The following DRG2 variants were observed in gnomAD, a reference collection of about 807,000 sequenced individuals.
DRG2 encodes the protein developmentally regulated GTP binding protein 2, also known as developmentally-regulated GTP-binding protein 2.
In DRG2, 36 loss-of-function variants were observed where a neutral mutation model predicts 53.4. That is an observed-to-expected ratio of 0.67 (90% confidence interval 0.52 to 0.89). The LOEUF is 0.89. Ranked by LOEUF, DRG2 falls within the 40% of genes least tolerant of loss-of-function variation. DRG2 has a pLI of 0.00. For synonymous variants in DRG2, 167 were observed against 192.1 expected (o/e 0.87, Z 1.08); for missense variants, 342 against 481.2 (o/e 0.71, Z 2.71).
In DRG2 at chr17:18,093,840, A is replaced by G; in HGVS notation, c.92A>G (p.Lys31Arg). The G allele has an allele frequency of 6.2e-7, 1 of 1,614,106 alleles. No individual in the cohort carries two copies. Among genetic ancestry groups the G allele is most frequent in the Non-Finnish European group, 8.5e-7 (1 of 1,180,010 alleles). The change falls in exon 2 of 13, where the codon AAA (lysine) becomes AGA (arginine). Residue 31 changes from lysine to arginine, a missense_variant. Transcript: ENST00000225729. ...KATEYHLGLL[K>R]AKLAKYRAQL... ...ACTGAGTATCATCTGGGCCTGCTGAAAGCTAAGCTCGCCAAGTATCGGGCC... is the reference window on the plus strand; with the variant it reads ...ACTGAGTATCATCTGGGCCTGCTGAGAGCTAAGCTCGCCAAGTATCGGGCC...
In DRG2 at chr17:18,099,507, C is replaced by T. The variant is rs2045490419; in HGVS notation, c.377-126C>T. Reference sequence around the variant, plus strand: ...AAACATGTGGATTAAAGAAAAATGCCAAGCTTGTGCTAGTATGTGGCAGAG... The same window carrying T: ...AAACATGTGGATTAAAGAAAAATGCTAAGCTTGTGCTAGTATGTGGCAGAG... On this transcript the variant is annotated intron_variant, in intron 4 of 12. Coordinates refer to ENST00000225729, the MANE Select transcript of DRG2 (RefSeq NM_001388.5). The surrounding 1 kb of genome is among the most constrained non-coding windows in gnomAD (Gnocchi z 4.4). The T allele has an allele frequency of 2.1e-6, 2 of 973,312 alleles. No individual in the cohort carries two copies. The highest frequency in any genetic ancestry group is 1.6e-6 in the Non-Finnish European group (1 of 627,362). 60.3% of individuals were successfully genotyped at this position (973,312 alleles called of 1,614,324 possible).
intron 2 of DRG2, chr17:18,094,234 G>T: frequency 2.5e-6 from 1 of 405,964 alleles, no homozygotes; most frequent in South Asian, 3.0e-5. Context: ...CTCTAGCGGT[G>T]TCATGTGCTG....
Position 18,100,293 on chromosome 17 carries a change from G to A in DRG2, c.468-70G>A. The A allele has an allele frequency of 6.6e-7, 1 of 1,521,058 alleles. No individual in the cohort carries two copies. Among genetic ancestry groups the A allele is most frequent in the Non-Finnish European group, 9.1e-7 (1 of 1,096,950 alleles). The allele number at this position is 1,521,058 out of a possible 1,614,324, so 94.2% of individuals were successfully genotyped here. A position where few individuals can be genotyped will look rare whatever the true frequency, so the allele number is the denominator to read the frequency against. ...GTCTCTGGGTGGGCAGTGACATCCT[G>A]CGTAACAGGGAAGCTGTGCATCTGG... On this transcript the variant is annotated intron_variant, in intron 5 of 12. Transcript: ENST00000225729. This position sits in a 1 kb window ranked among gnomAD's most constrained non-coding sequence, Gnocchi z 4.1.
chr17:18,106,554 A>G, intron 12 of DRG2, 68 bp downstream of exon 12: 1 of 1,561,858 alleles, frequency 6.4e-7, no homozygotes, highest in South Asian at 1.1e-5. Context: ...GGCATGAAGC[A>G]AGGCATTCAC....
chr17:18,105,247 A>G (rs1006797827), intron 11 of DRG2, among the ~76,000 whole-genome samples: 2 of 152,024 alleles, frequency 1.3e-5, no homozygotes, highest in African/African-American at 4.8e-5. Flanking sequence ...CCTGAACATG[A>G]CCCTGCAGGC....
At position 18,107,036 on chromosome 17, in the gene DRG2, G is replaced by A; in HGVS notation, c.1009-118G>A. The stretch of plus-strand genomic sequence containing the variant: ...GACAACTGCGGACATCCTGCTGCCT[G>A]AGGCCCCCACCTTATGCCATGGCAT... On this transcript the variant is annotated intron_variant, in intron 12 of 12. Transcript: ENST00000225729. The A allele has an allele frequency of 8.0e-6, 7 of 880,148 alleles. No homozygotes were observed. In the South Asian group the frequency reaches 1.1e-4, roughly 13 times the overall value. The allele number at this position is 880,148 out of a possible 1,614,324, so 54.5% of individuals were successfully genotyped here.
intron 7 of DRG2, among the ~76,000 whole-genome samples, chr17:18,101,084 T>TA (rs2045525354): frequency 6.6e-6 from 1 of 152,052 alleles, no homozygotes; most frequent in African/African-American, 2.4e-5. Flanking sequence ...AGAGAACTCT[T>TA]AGAGTCAGCT....
In DRG2 at chr17:18,100,317, G is replaced by T; in HGVS notation, c.468-46G>T. Reference sequence around the variant, plus strand: ...TGCGTAACAGGGAAGCTGTGCATCTGGCTCTGTGGACAGCCTGTGAGGGGC... The same window carrying T: ...TGCGTAACAGGGAAGCTGTGCATCTTGCTCTGTGGACAGCCTGTGAGGGGC... On this transcript the variant is annotated intron_variant, in intron 5 of 12. Transcript: ENST00000225729. This position sits in a 1 kb window ranked among gnomAD's most constrained non-coding sequence, Gnocchi z 4.1. The T allele has an allele frequency of 6.3e-7, 1 of 1,594,704 alleles. No individual in the cohort carries two copies. Among genetic ancestry groups the T allele is most frequent in the South Asian group, 1.1e-5 (1 of 90,606 alleles).
intron 8 of DRG2, 141 bp from the exon 9 acceptor site, chr17:18,101,780 C>A: frequency 8.5e-7 from 1 of 1,172,354 alleles, no homozygotes; most frequent in Non-Finnish European, 1.2e-6. Context: ...CCAGCCTTCC[C>A]AACCCTGAGG....
intron 12 of DRG2, among the ~76,000 whole-genome samples, chr17:18,106,884 C>G (rs983856785): frequency 6.6e-6 from 1 of 152,018 alleles, no homozygotes; most frequent in Non-Finnish European, 1.5e-5. Flanking sequence ...GTTTCGCTAT[C>G]TGGCCCAGGC....
In DRG2 at chr17:18,093,872, C is replaced by T; in HGVS notation, c.124C>T (p.Leu42=). 6.2e-7 allele frequency: 1 copy of T among 1,614,226 alleles called. No individual in the cohort carries two copies. The highest frequency in any genetic ancestry group is 8.5e-7 in the Non-Finnish European group (1 of 1,180,048). ...GCTCGCCAAGTATCGGGCCCAGCTC[C>T]TGGAACCGTCCAAATCGGCCTCGTC... is the stretch of plus-strand genomic sequence containing the variant. ...AKLAKYRAQL[L]EPSKSASSKG... is the part of the protein sequence containing the mutation. The change falls in exon 2 of 13, where the codon CTG becomes TTG. Residue 42 remains leucine, a synonymous_variant. Transcript: ENST00000225729.
At chr17:18,088,563 G>A (rs138237917) in intron 1 of DRG2, among the ~76,000 whole-genome samples, 1 of 152,232 alleles carries the variant, frequency 6.6e-6, no homozygotes, top group Admixed American at 6.5e-5. Context: ...GGTCCACCAC[G>A]TACCTTCTGT....
intron 9 of DRG2, among the ~76,000 whole-genome samples, chr17:18,102,516 G>A (rs1190036609): frequency 1.3e-5 from 2 of 151,172 alleles, no homozygotes; most frequent in South Asian, 2.1e-4. Flanking sequence ...AGCTACTCAG[G>A]AGGCTGAGGC....
In DRG2 at chr17:18,098,536, A is replaced by C. The variant is rs1315654497; in HGVS notation, c.315+177A>C. ...CTGGGGATCCTAGCTGCTGGACCCC[A>C]GAGATGCCTGGTGGGGCCTGGAACT... On this transcript the variant is annotated intron_variant, in intron 3 of 12. Coordinates refer to ENST00000225729, the MANE Select transcript of DRG2 (RefSeq NM_001388.5). This position sits in a 1 kb window ranked among gnomAD's most constrained non-coding sequence, Gnocchi z 4.1. 1.7e-6 allele frequency: 1 copy of C among 577,334 alleles called. No individual in the cohort carries two copies. Among genetic ancestry groups the C allele is most frequent in the East Asian group, 3.1e-5 (1 of 32,144 alleles). 35.8% of individuals were successfully genotyped at this position (577,334 alleles called of 1,614,324 possible). A position where few individuals can be genotyped will look rare whatever the true frequency, so the allele number is the denominator to read the frequency against.
intron 1 of DRG2, among the ~76,000 whole-genome samples, chr17:18,090,563 G>C (rs1028239530): frequency 2.7e-5 from 4 of 150,890 alleles, no homozygotes; most frequent in Non-Finnish European, 5.9e-5. Flanking sequence ...ACAACGCCCA[G>C]CTAATTTTGT....
chr17:18,100,385 G>A lies in DRG2; in HGVS notation c.490G>A (p.Glu164Lys). The A allele has an allele frequency of 6.2e-7, 1 of 1,614,208 alleles. No individual in the cohort carries two copies. The highest frequency in any genetic ancestry group is 8.5e-7 in the Non-Finnish European group (1 of 1,180,034). ...TAGGTCTCTGCTGGAGAAGGAGCTG[G>A]AGTCTGTGGGCATCCGCCTCAACAA... is the stretch of plus-strand genomic sequence containing the variant. ...VQRSLLEKELESVGIRLNKHK... is the reference protein window; with the variant it reads ...VQRSLLEKELKSVGIRLNKHK... The change falls in exon 6 of 13, where the codon GAG becomes AAG. Residue 164 changes from glutamate to lysine, a missense_variant. Coordinates refer to ENST00000225729, the MANE Select transcript of DRG2 (RefSeq NM_001388.5). The surrounding 1 kb of genome is among the most constrained non-coding windows in gnomAD (Gnocchi z 4.1).
rs1263608335 is a variant in DRG2, at chr17:18,107,546, G to A, written c.*306G>A. 2.7e-5 allele frequency: 11 copies of A among 413,204 alleles called. No homozygotes were observed. The highest frequency in any genetic ancestry group is 7.1e-4 in the Middle Eastern group (1 of 1,402). 25.6% of individuals were successfully genotyped at this position (413,204 alleles called of 1,614,324 possible). ...GAGGGAGCAAGTTGCCCACATGCCC[G>A]CCAGCCAGGGCCTAAAGCAGATGGC... On this transcript the variant is annotated 3_prime_UTR_variant, in exon 13 of 13. Coordinates refer to ENST00000225729, the MANE Select transcript of DRG2 (RefSeq NM_001388.5).
intron 1 of DRG2, among the ~76,000 whole-genome samples, chr17:18,091,019 C>A (rs186646769): frequency 1.3e-5 from 2 of 152,110 alleles, no homozygotes; most frequent in African/African-American, 2.4e-5. Context: ...TTCACTGATT[C>A]ACTTGGTAAA....
At chr17:18,088,233 G>A in intron 1 of DRG2, 146 bp downstream of exon 1, 2 of 1,035,406 alleles carry the variant, frequency 1.9e-6, no homozygotes, top group Non-Finnish European at 2.7e-6. Flanking sequence ...CGCCCTGCGC[G>A]CCCAAGGCAG....
Sources: gnomAD v4.1 joint callset for allele counts (sites outside exome capture counted in the v4.1 genomes callset) on GRCh38, gnomAD v4.1.1 for gene constraint, Gnocchi (gnomAD v3.1) non-coding constraint, MANE v1.5 for transcripts, NCBI Gene and HGNC (gene_info 2026-07-23, HGNC 2026-07-21) for gene names.